The following NDEL1 variants were observed in gnomAD, a reference collection of about 807,000 sequenced individuals.
NDEL1 encodes the protein nuclear distribution protein nudE-like 1.
Under a neutral mutation model 45.7 loss-of-function variants are expected in NDEL1, and 9 were observed. The ratio of observed to expected loss-of-function variants is 0.20; its 90% CI spans 0.12 to 0.34. The LOEUF is 0.34. NDEL1 is among the 10% of genes least tolerant of loss of function. The pLI is 1.00. For missense variants in NDEL1, 306 were observed against 406.2 expected (o/e 0.75, Z 2.12); for synonymous variants, 133 against 158.6 (o/e 0.84, Z 1.21).
At chr17:8,427,520 G>A (rs1224686927) in intron 1 of NDEL1, among the ~76,000 whole-genome samples, 1 of 152,106 alleles carries the variant, frequency 6.6e-6, no homozygotes, top group Non-Finnish European at 1.5e-5. Context: ...GGCCAACATG[G>A]TGACACCCCG....
intron 1 of NDEL1, among the ~76,000 whole-genome samples, chr17:8,423,730 C>T (rs952755246): frequency 1.3e-5 from 2 of 152,020 alleles, no homozygotes; most frequent in African/African-American, 4.8e-5. Flanking sequence ...TTGTACATGA[C>T]AACATACATA....
At chr17:8,417,760 C>T (rs1908587915) in intron 1 of NDEL1, among the ~76,000 whole-genome samples, 1 of 152,230 alleles carries the variant, frequency 6.6e-6, no homozygotes, top group Non-Finnish European at 1.5e-5. Context: ...CTTCCCCTCT[C>T]CCAAATCCTT....
intron 1 of NDEL1, among the ~76,000 whole-genome samples, chr17:8,422,744 C>CTTTTCCT (rs767346534): frequency 2.7e-5 from 4 of 147,464 alleles, no homozygotes; most frequent in Admixed American, 6.8e-5. Flanking sequence ...TTTCCTTTTC[C>CTTTTCCT]TTTTTTTTTT....
upstream of NDEL1, chr17:8,435,726 C>A: frequency 3.0e-6 from 1 of 335,812 alleles, no homozygotes; most frequent in Non-Finnish European, 5.8e-6. Flanking sequence ...AGGACGCCTG[C>A]GCAAGAGGAC....
At chr17:8,424,755 T>G (rs544448592) in intron 1 of NDEL1, among the ~76,000 whole-genome samples, 110 of 152,262 alleles carry the variant, frequency 7.2e-4, no homozygotes, top group Non-Finnish European at 1.1e-3. Flanking sequence ...CCACCCGCCT[T>G]GGCCTCCCAA....
intron 1 of NDEL1, among the ~76,000 whole-genome samples, chr17:8,423,020 C>T (rs552628773): frequency 1.3e-5 from 2 of 152,282 alleles, no homozygotes; most frequent in South Asian, 2.1e-4. Flanking sequence ...TGAGCCACTG[C>T]GCCCAGCCCT....
At chr17:8,427,882 C>T (rs1477423131) in intron 1 of NDEL1, among the ~76,000 whole-genome samples, 1 of 152,088 alleles carries the variant, frequency 6.6e-6, no homozygotes, top group African/African-American at 2.4e-5. Flanking sequence ...AATTAAGATG[C>T]ATTTCTCTAT....
chr17:8,428,346 G>GTATTTTTTTTT (rs1567721194), intron 1 of NDEL1, among the ~76,000 whole-genome samples: 2 of 134,956 alleles, frequency 1.5e-5, no homozygotes, highest in Admixed American at 7.5e-5. Flanking sequence ...GTGTGTGTGT[G>GTATTTTTTTTT]TGTGTGTGTG....
At chr17:8,459,141 C>T (rs1911038702) in intron 7 of NDEL1, among the ~76,000 whole-genome samples, 1 of 152,114 alleles carries the variant, frequency 6.6e-6, no homozygotes, top group African/African-American at 2.4e-5. Flanking sequence ...CTGTGCATTC[C>T]CAGTCCTTTA....
intron 8 of NDEL1, among the ~76,000 whole-genome samples, chr17:8,461,831 C>T (rs928491661): frequency 2.0e-5 from 3 of 152,076 alleles, no homozygotes; most frequent in Admixed American, 6.5e-5. Flanking sequence ...TCCTTGGAAT[C>T]GTATTTCTTG....
chr17:8,428,944 A>T (rs1415149033), intron 1 of NDEL1, among the ~76,000 whole-genome samples: 1 of 152,220 alleles, frequency 6.6e-6, no homozygotes, highest in Non-Finnish European at 1.5e-5. Context: ...AAGTGCTGGG[A>T]TTACAGGCAT....
At chr17:8,436,209 C>T in intron 1 of NDEL1, 164 bp downstream of exon 1, 1 of 233,686 alleles carries the variant, frequency 4.3e-6, no homozygotes, top group Non-Finnish European at 8.6e-6. Flanking sequence ...CTGTTCCAAC[C>T]GCTCTAACTG....
Position 8,466,999 on chromosome 17 carries a change from G to A in NDEL1, c.1014G>A (p.Pro338=), listed in dbSNP as rs373659366. ...GLGSSRPSSA[P]GMLPLSV is the part of the protein sequence containing the mutation. ...GCTCCTCGCGTCCATCGTCAGCGCC[G>A]GGTATGCTGCCTCTCAGTGTGTGAG... The change falls in exon 9 of 9, where the codon CCG becomes CCA. Residue 338 remains proline, a synonymous_variant. Transcript: ENST00000334527. 4.2e-5 allele frequency: 68 copies of A among 1,613,974 alleles called. No homozygotes were observed. Among genetic ancestry groups the A allele is most frequent in the Admixed American group, 1.3e-4 (8 of 60,002 alleles).
chr17:8,423,004 C>T (rs941074627), intron 1 of NDEL1, among the ~76,000 whole-genome samples: 1 of 152,176 alleles, frequency 6.6e-6, no homozygotes, highest in African/African-American at 2.4e-5. Context: ...GCTGGGATTA[C>T]AGGCATGAGC....
At chr17:8,452,716 T>C (rs1270296539) in intron 6 of NDEL1, among the ~76,000 whole-genome samples, 1 of 147,334 alleles carries the variant, frequency 6.8e-6, no homozygotes, top group African/African-American at 2.5e-5. Context: ...TCTTCCTTTC[T>C]TTCTTTTCTT....
rs1567746335 is a variant in NDEL1 at position 8,466,951 on chromosome 17, C to CGCT, written c.967_969dup (p.Ala323dup). 2 of 1,614,216 alleles carry CGCT rather than the reference C, an allele frequency of 1.2e-6. No individual in the cohort carries two copies. Among genetic ancestry groups the CGCT allele is most frequent in the South Asian group, 2.2e-5 (2 of 91,088 alleles). On this transcript the variant is annotated inframe_insertion, in exon 9 of 9. Transcript: ENST00000334527. ...ACAGGGCAGTAAACGGCTTTGACCC[C>CGCT]GCTCCTCCTCCTCCTGGTCTGGGCT... is the stretch of plus-strand genomic sequence containing the variant.
intron 7 of NDEL1, among the ~76,000 whole-genome samples, chr17:8,456,740 C>T (rs1910872667): frequency 6.6e-6 from 1 of 152,194 alleles, no homozygotes; most frequent in South Asian, 2.1e-4. Flanking sequence ...TTCAGGTGAT[C>T]TGCCTGCCTT....
chr17:8,431,787 G>A (rs992699215), upstream of NDEL1: 1 of 151,894 alleles, frequency 6.6e-6, no homozygotes, highest in Non-Finnish European at 1.5e-5. Context: ...AGAGAACTTC[G>A]GAAAGTTCAT....
At chr17:8,422,083 A>T (rs1320415922) in intron 1 of NDEL1, among the ~76,000 whole-genome samples, 5 of 152,140 alleles carry the variant, frequency 3.3e-5, no homozygotes, top group Non-Finnish European at 5.9e-5. Flanking sequence ...CCAGTGTGGG[A>T]GCCCTGAGAA....
Sources: allele counts gnomAD v4.1 joint callset (sites outside exome capture counted in the v4.1 genomes callset), GRCh38; gene constraint gnomAD v4.1.1; transcripts MANE v1.5; gene names NCBI Gene and HGNC (gene_info 2026-07-23, HGNC 2026-07-21).